The following CEMIP2 variants were observed in gnomAD, a reference collection of about 807,000 sequenced individuals.
CEMIP2 encodes the protein cell surface hyaluronidase CEMIP2.
CEMIP2 carries 79 observed loss-of-function variants against 146.9 expected under a neutral mutation model. That is an observed-to-expected ratio of 0.54 (90% CI 0.45 to 0.65). The LOEUF is 0.65. Among genes scored for constraint, CEMIP2 ranks in the 30% least tolerant of loss-of-function variants. CEMIP2 has a pLI of 0.00. For synonymous variants in CEMIP2, 601 were observed against 606.3 expected (o/e 0.99, Z 0.13); for missense variants, 1,596 against 1,696.2 (o/e 0.94, Z 1.04).
intron 18 of CEMIP2, among the ~76,000 whole-genome samples, chr9:71,702,445 G>GT (rs903525738): frequency 3.0e-4 from 45 of 150,146 alleles, no homozygotes; most frequent in African/African-American, 1.1e-3. Context: ...GGTAAGGGGG[G>GT]TAGTTAAAAA....
intron 1 of CEMIP2, among the ~76,000 whole-genome samples, chr9:71,753,566 T>C (rs914362961): frequency 6.6e-6 from 1 of 152,142 alleles, no homozygotes; most frequent in African/African-American, 2.4e-5. Context: ...TATTGAAAAA[T>C]ATGTAAATGT....
chr9:71,691,428 AAATAAATAAAT>A lies in CEMIP2; in HGVS notation c.3697-1193_3697-1183del, dbSNP rs1485697933. ...GTGAGACTCTGTCTCAGGAAAAAAA[AAATAAATAAAT>A]AAAAAAGCCCTTTAGCTAATTGCAC... On this transcript the variant is annotated intron_variant, in intron 21 of 23. Coordinates refer to ENST00000377044, the MANE Select transcript of CEMIP2 (RefSeq NM_013390.3). Among the ~76,000 whole-genome samples, 66 of 151,520 alleles carry A rather than the reference AAATAAATAAAT, an allele frequency of 4.4e-4. 4 individuals carry two copies. Among genetic ancestry groups the A allele is most frequent in the African/African-American group, 1.5e-3 (61 of 41,150 alleles).
chr9:71,739,361 C>CAAAAAAAA (rs71353516), intron 5 of CEMIP2, among the ~76,000 whole-genome samples: 1 of 42,840 alleles, frequency 2.3e-5, no homozygotes, highest in African/African-American at 1.1e-4. Flanking sequence ...GACTCTGTCT[C>CAAAAAAAA]AAAAAAAAAA....
intron 10 of CEMIP2, among the ~76,000 whole-genome samples, chr9:71,728,447 A>G (rs1425496699): frequency 1.3e-5 from 2 of 148,762 alleles, no homozygotes; most frequent in East Asian, 3.9e-4. Context: ...ACACCACTAC[A>G]CTTCAACCTG....
At chr9:71,716,725 G>A (rs1012979574) in intron 13 of CEMIP2, among the ~76,000 whole-genome samples, 173 bp from the exon 14 acceptor site, 2 of 152,096 alleles carry the variant, frequency 1.3e-5, no homozygotes, top group Non-Finnish European at 2.9e-5. Context: ...CTGCAGTGAG[G>A]GCACCCAGTT....
intron 22 of CEMIP2, among the ~76,000 whole-genome samples, chr9:71,687,993 A>C (rs1427587576): frequency 6.6e-6 from 1 of 152,112 alleles, no homozygotes; most frequent in Non-Finnish European, 1.5e-5. Context: ...AGTAGGTGAG[A>C]CTACAGGTAT....
intron 6 of CEMIP2, among the ~76,000 whole-genome samples, chr9:71,733,420 G>A (rs1474323281): frequency 1.3e-5 from 2 of 152,126 alleles, no homozygotes; most frequent in Non-Finnish European, 2.9e-5. Flanking sequence ...ATGCCAGATG[G>A]TATCATAGTT....
At chr9:71,687,460 TTCTGTGTGTGTGTGTGTG>T (rs1822097007) in intron 22 of CEMIP2, 1 of 90,612 alleles carries the variant, frequency 1.1e-5, no homozygotes, top group Non-Finnish European at 2.6e-5. Flanking sequence ...TGTATTTATT[TTCTGTGTGTGTGTGTGTG>T]TGTGTGTGTG....
intron 21 of CEMIP2, among the ~76,000 whole-genome samples, chr9:71,690,869 T>C (rs1822207771): frequency 6.6e-6 from 1 of 152,232 alleles, no homozygotes. Flanking sequence ...TTTAAATCAG[T>C]GGTTTGTGAC....
chr9:71,727,813 C>A (rs1032108454), intron 10 of CEMIP2, among the ~76,000 whole-genome samples: 1 of 152,138 alleles, frequency 6.6e-6, no homozygotes, highest in Admixed American at 6.5e-5. Flanking sequence ...GTAATCCCAG[C>A]ACTTTGGGAG....
chr9:71,752,156 A>G (rs1284249557), intron 1 of CEMIP2, among the ~76,000 whole-genome samples: 1 of 151,996 alleles, frequency 6.6e-6, no homozygotes, highest in Admixed American at 6.6e-5. Context: ...GAGGAGAACC[A>G]GGACTTAAAC....
intron 6 of CEMIP2, among the ~76,000 whole-genome samples, chr9:71,734,006 G>C (rs749475562): frequency 3.9e-5 from 6 of 152,076 alleles, no homozygotes; most frequent in Non-Finnish European, 8.8e-5. Context: ...CACCATGCCT[G>C]GCTAATGTTT....
intron 1 of CEMIP2, among the ~76,000 whole-genome samples, chr9:71,767,418 T>G (rs1824829770): frequency 6.6e-6 from 1 of 152,198 alleles, no homozygotes; most frequent in Non-Finnish European, 1.5e-5. Context: ...GAGTAGCTCA[T>G]GTGCACAATG....
intron 1 of CEMIP2, 92 bp from the exon 2 acceptor site, chr9:71,750,477 T>G (rs1249994764): frequency 2.0e-6 from 2 of 988,706 alleles, no homozygotes; most frequent in Non-Finnish European, 2.8e-6. Context: ...GTTTCACTCT[T>G]GTTGCCCACA....
In CEMIP2 at chr9:71,728,245, ATATATGTATATACACG is replaced by A. The variant is rs1823464730; in HGVS notation, c.2049+1584_2049+1599del. Among the ~76,000 whole-genome samples the A allele has an allele frequency of 2.0e-4, 8 of 40,342 alleles. 2 individuals are homozygous for A. The highest frequency in any genetic ancestry group is 4.1e-4 in the Non-Finnish European group (7 of 17,058). 26.5% of individuals were successfully genotyped at this position (40,342 alleles called of 152,430 possible). On this transcript the variant is annotated intron_variant, in intron 10 of 23. Transcript: ENST00000377044. ...TCTCTCTCTCTCTATATATATATAT[ATATATGTATATACACG>A]TATATATATATATATATATGTATAT...
Position 71,732,495 on chromosome 9 carries a change from A to G in CEMIP2, c.1419T>C (p.Gly473=), listed in dbSNP as rs145378380. ...TCATGTCTACACCGTCTATGATCTC[A>G]CCCATGTGCAGGAACTGAGGGGTTT... The part of the protein sequence containing the change: ...VKETPQFLHM[G]EIIDGVDMRA... The change falls in exon 7 of 24, where the codon GGT becomes GGC. Residue 473 remains glycine, a synonymous_variant. Coordinates refer to ENST00000377044, the MANE Select transcript of CEMIP2 (RefSeq NM_013390.3). 2.2e-5 allele frequency: 35 copies of G among 1,608,168 alleles called. No homozygotes were observed. The Middle Eastern group carries it at 8.3e-4, about 38-fold the overall frequency.
chr9:71,716,540 A>G lies in CEMIP2; in HGVS notation c.2412T>C (p.Asn804=). Residue 804 remains asparagine, a synonymous_variant, in exon 14 of 24, where the codon AAT becomes AAC. Transcript: ENST00000377044. ...IIVQNSAFAD[N]GIGLTFASDG... ...ACCTGGCAAAGGTCAGTCCTATTCC[A>G]TTATCTGCAAATCTGTAAAAGAAGA... is the stretch of plus-strand genomic sequence containing the variant. The G allele has an allele frequency of 1.3e-6, 2 of 1,597,696 alleles. No individual in the cohort carries two copies. The highest frequency in any genetic ancestry group is 1.7e-6 in the Non-Finnish European group (2 of 1,172,798).
chr9:71,747,038 T>C (rs1202582322), intron 2 of CEMIP2, among the ~76,000 whole-genome samples: 2 of 152,338 alleles, frequency 1.3e-5, no homozygotes, highest in East Asian at 3.9e-4. Flanking sequence ...GTAGTGTTCC[T>C]TTACTGGAAT....
rs1822451237 is a variant in CEMIP2, at chr9:71,698,065, G to A, written c.3517C>T (p.Gln1173Ter). The A allele has an allele frequency of 6.2e-7, 1 of 1,614,060 alleles. No homozygotes were observed. The highest frequency in any genetic ancestry group is 1.3e-5 in the African/African-American group (1 of 74,916). ...ACCACTGACGGCTTTCTGTAGTACT[G>A]TGGGTATGCTTTGGCCATGCAGTTA... is the stretch of plus-strand genomic sequence containing the variant. ...ISNCMAKAYP[Q>*]YYRKPSVVKR... Residue 1173 changes from glutamine to a stop codon, truncating the protein, a stop_gained, in exon 20 of 24, where the codon CAG becomes TAG. Coordinates refer to ENST00000377044, the MANE Select transcript of CEMIP2 (RefSeq NM_013390.3). LOFTEE classifies it high-confidence loss of function.
Sources: allele counts gnomAD v4.1 joint callset (sites outside exome capture counted in the v4.1 genomes callset), GRCh38; gene constraint gnomAD v4.1.1; transcripts MANE v1.5; gene names NCBI Gene and HGNC (gene_info 2026-07-23, HGNC 2026-07-21).